Variants in UPF3B observed in about 807,000 individuals in gnomAD.
The protein encoded by UPF3B is UPF3B regulator of nonsense mediated mRNA decay.
A neutral mutation model predicts 40.3 loss-of-function variants in UPF3B; 7 were observed. The ratio of observed to expected loss-of-function variants is 0.17; its 90% CI spans 0.10 to 0.33. The LOEUF is 0.33. Among genes scored for constraint, UPF3B ranks in the 10% least tolerant of loss-of-function variants. The pLI, the probability that UPF3B is intolerant of heterozygous loss-of-function variation, is 1.00. For missense variants in UPF3B, 229 were observed against 358.9 expected, an observed-to-expected ratio of 0.64 and a Z score of 2.93; for synonymous variants, 117 against 117.3, an observed-to-expected ratio of 1.00 and a Z score of 0.01.
rs1258532003 is a variant in UPF3B, at chrX:119,834,830, C to T, written c.*48G>A. 8.3e-7 allele frequency: 1 copy of T among 1,210,364 alleles called. No individual in the cohort carries two copies. The highest frequency in any genetic ancestry group is 1.1e-6 in the Non-Finnish European group (1 of 895,458). ...GCACCTCTGGATTGCTTAACGTGTG[C>T]TCTTTGGCTGCCTAGACAGTCAGGA... On this transcript the variant is annotated 3_prime_UTR_variant, in exon 11 of 11. Transcript: ENST00000276201.
At chrX:119,835,738 C>G (rs2056084326) in intron 10 of UPF3B, among the ~76,000 whole-genome samples, 1 of 111,632 alleles carries the variant, frequency 9.0e-6, no homozygotes, top group African/African-American at 3.3e-5. Flanking sequence ...CCTTTATTCC[C>G]AATACTTTGA....
At chrX:119,814,965 A>T (rs1207370504) in intron 5 of UPF3B, among the ~76,000 whole-genome samples, 1 of 103,787 alleles carries the variant, frequency 9.6e-6, no homozygotes, top group Non-Finnish European at 1.9e-5. Context: ...TCCTGAGTTC[A>T]AGCGATTCTC....
chrX:119,838,570 A>G, intron 8 of UPF3B, 43 bp from the exon 9 acceptor site: 2 of 1,166,883 alleles, frequency 1.7e-6, no homozygotes, highest in South Asian at 3.7e-5. Flanking sequence ...AGGCTGGGAC[A>G]CTATCTTCTA....
At chrX:119,818,447 G>A (rs953523564) in intron 4 of UPF3B, among the ~76,000 whole-genome samples, 2 of 111,149 alleles carry the variant, frequency 1.8e-5, no homozygotes, top group African/African-American at 3.3e-5. Context: ...TGGGTGCGGT[G>A]GCAGGTGTCT....
At chrX:119,838,554 T>C in intron 8 of UPF3B, 27 bp from the exon 9 acceptor site, 1 of 1,195,217 alleles carries the variant, frequency 8.4e-7, no homozygotes, top group Non-Finnish European at 1.1e-6. Flanking sequence ...TTTATTTTTA[T>C]TTTGAAGGCT....
Position 119,838,545 on chromosome X carries a change from T to A in UPF3B, c.847-18A>T. ...TTGAGCAGCTTTAAAGATAAAATGT[T>A]TATTTTTATTTTGAAGGCTGGGACA... is the stretch of plus-strand genomic sequence containing the variant. On this transcript the variant is annotated intron_variant, in intron 8 of 10. Transcript: ENST00000276201. 8.3e-7 allele frequency: 1 copy of A among 1,201,391 alleles called. No homozygotes were observed. The highest frequency in any genetic ancestry group is 1.1e-6 in the Non-Finnish European group (1 of 888,172).
exon 5 of UPF3B, chrX:119,815,257 T>G (rs1200133208): frequency 1.3e-6 from 1 of 795,410 alleles, no homozygotes; most frequent in Admixed American, 5.8e-5. Flanking sequence ...GGTGCGAGAG[T>G]CGACCTTGGC....
rs2055800133 is a variant in UPF3B at position 119,807,192 on chromosome X, C to G, written c.*11+283G>C. On this transcript the variant is annotated intron_variant, in intron 6 of 6. Transcript: ENST00000636792. ...AAATTGCAATGCATGTCCTCACCAT[C>G]AGCTTTTTCTGACACTAAAATTAAT... 2.7e-5 allele frequency among the ~76,000 whole-genome samples: 3 copies of G among 111,782 alleles called. No individual in the cohort carries two copies. In the Admixed American group the frequency reaches 2.9e-4, roughly 11 times the overall value.
At chrX:119,841,038 T>A (rs1241987674) in intron 7 of UPF3B, 38 bp downstream of exon 7, 2 of 1,200,239 alleles carry the variant, frequency 1.7e-6, no homozygotes, top group Admixed American at 2.2e-5. Context: ...ATACGTGCAA[T>A]TTTTAGCAAC....
chrX:119,807,296 T>A (rs781004870), intron 6 of UPF3B, among the ~76,000 whole-genome samples: 1 of 111,801 alleles, frequency 8.9e-6, no homozygotes, highest in Non-Finnish European at 1.9e-5. Context: ...ACACAAGACT[T>A]ACTCCTCTGC....
chrX:119,821,338 T>G (rs2055916637), intron 4 of UPF3B, among the ~76,000 whole-genome samples: 1 of 112,724 alleles, frequency 8.9e-6, no homozygotes, highest in African/African-American at 3.2e-5. Flanking sequence ...TCTCAGGCAT[T>G]TATTTATAGC....
intron 4 of UPF3B, among the ~76,000 whole-genome samples, chrX:119,816,759 G>A (rs1468093478): frequency 9.0e-6 from 1 of 111,251 alleles, no homozygotes; most frequent in Non-Finnish European, 1.9e-5. Context: ...TTTCTCTTGA[G>A]TATTCATCCT....
chrX:119,833,673 A>C (rs1047448947), downstream of UPF3B, among the ~76,000 whole-genome samples: 10 of 111,611 alleles, frequency 9.0e-5, no homozygotes, highest in African/African-American at 3.2e-4. Flanking sequence ...CGCCCAGATA[A>C]TTTTGTATTT....
At chrX:119,839,869 C>G (rs1205712779) in intron 8 of UPF3B, among the ~76,000 whole-genome samples, 1 of 111,735 alleles carries the variant, frequency 8.9e-6, no homozygotes, top group African/African-American at 3.2e-5. Flanking sequence ...GCTGGCTCTA[C>G]CTTCTGCCTT....
chrX:119,823,150 T>C (rs2055940018), intron 3 of UPF3B: 1 of 270,060 alleles, frequency 3.7e-6, no homozygotes, highest in Non-Finnish European at 5.1e-6. Context: ...CCCAGTCATT[T>C]AAGACCAAAT....
chrX:119,839,482 G>GT (rs781020266), intron 8 of UPF3B, among the ~76,000 whole-genome samples: 2 of 112,593 alleles, frequency 1.8e-5, no homozygotes, highest in East Asian at 5.5e-4. Flanking sequence ...AAATGCCATT[G>GT]TTTTTTACAT....
At chrX:119,826,019 T>G (rs1323894749) in intron 3 of UPF3B, among the ~76,000 whole-genome samples, 2 of 110,539 alleles carry the variant, frequency 1.8e-5, no homozygotes, top group Non-Finnish European at 3.8e-5. Flanking sequence ...AAATTAGCCA[T>G]TCATGGTGGC....
rs1038194536 is a variant in UPF3B at position 119,807,457 on chromosome X, A to G, written c.*11+18T>C. On this transcript the variant is annotated intron_variant, in intron 6 of 6. Transcript: ENST00000636792. ...AACACTCCCTTCCTCCTTCTTTTCT[A>G]TGGTTAATATCACTTTCCTGCTTTC... 3.4e-6 allele frequency: 3 copies of G among 883,675 alleles called. No individual in the cohort carries two copies. In the African/African-American group the frequency reaches 6.3e-5, roughly 18 times the overall value. The allele number at this position is 883,675 out of a possible 1,213,427, so 72.8% of individuals were successfully genotyped here. A position where few individuals can be genotyped will look rare whatever the true frequency, so the allele number is the denominator to read the frequency against.
intron 10 of UPF3B, 138 bp downstream of exon 10, chrX:119,837,619 A>C: frequency 7.4e-6 from 4 of 538,656 alleles, no homozygotes; most frequent in Non-Finnish European, 1.1e-5. Flanking sequence ...CTGTCTCAAA[A>C]AAAAAAAAAA....
Sources: gnomAD v4.1 joint callset for allele counts (sites outside exome capture counted in the v4.1 genomes callset) on GRCh38, gnomAD v4.1.1 for gene constraint, MANE v1.5 for transcripts, NCBI Gene and HGNC (gene_info 2026-07-23, HGNC 2026-07-21) for gene names.